ME1: variants seen among roughly 807,000 people sequenced by gnomAD.
ME1 encodes the protein NADP-dependent malic enzyme.
In ME1, 74 loss-of-function variants were observed where a neutral mutation model predicts 66.4. The observed-to-expected ratio is 1.11, with a 90% CI of 0.92 to 1.35. The LOEUF (loss-of-function observed/expected upper bound fraction) is 1.35, where lower values mean the gene tolerates loss of function less well. Ranked by LOEUF, ME1 falls within the 40% of genes most tolerant of loss-of-function variation. The pLI, the probability that ME1 is intolerant of heterozygous loss-of-function variation, is 0.00. For synonymous variants in ME1, 251 were observed against 235.6 expected (o/e 1.07, Z -0.60); for missense variants, 750 against 694.1 (o/e 1.08, Z -0.90).
At chr6:83,384,900 G>A (rs1346614887) in intron 3 of ME1, among the ~76,000 whole-genome samples, 2 of 151,826 alleles carry the variant, frequency 1.3e-5, no homozygotes, top group Admixed American at 1.3e-4. Flanking sequence ...TCCATTGTTT[G>A]TTATTGTTGA....
intron 2 of ME1, among the ~76,000 whole-genome samples, chr6:83,399,284 C>T (rs979860379): frequency 1.3e-5 from 2 of 152,046 alleles, no homozygotes; most frequent in South Asian, 2.1e-4. Flanking sequence ...GCATGAGCCA[C>T]CGCACCCAGA....
chr6:83,381,343 T>C (rs1340379208), intron 3 of ME1, among the ~76,000 whole-genome samples: 1 of 152,076 alleles, frequency 6.6e-6, no homozygotes, highest in Non-Finnish European at 1.5e-5. Flanking sequence ...AGTGAGGTGA[T>C]TGACTTGGGC....
intron 6 of ME1, among the ~76,000 whole-genome samples, chr6:83,291,238 G>GT (rs2128534867): frequency 6.6e-6 from 1 of 152,320 alleles, no homozygotes; most frequent in South Asian, 2.1e-4. Flanking sequence ...AATTTGGCCT[G>GT]TTTTTGCAGT....
At chr6:83,212,633 C>T (rs1435619285) in intron 13 of ME1, among the ~76,000 whole-genome samples, 7 of 152,158 alleles carry the variant, frequency 4.6e-5, no homozygotes, top group African/African-American at 1.2e-4. Context: ...TCTAGTCCCT[C>T]GTCTGGGGAC....
intron 3 of ME1, among the ~76,000 whole-genome samples, chr6:83,395,419 G>A (rs2065732): frequency 0.98 from 149,332 of 152,024 alleles, 73,395 homozygotes; most frequent in Middle Eastern, 1. Context: ...AAATTAATTT[G>A]CTATCTGTAA....
intron 5 of ME1, among the ~76,000 whole-genome samples, chr6:83,321,494 A>G (rs1183968348): frequency 4.6e-5 from 7 of 152,082 alleles, no homozygotes; most frequent in Admixed American, 4.6e-4. Context: ...CTGAGGCTCG[A>G]GTAGGCAGTT....
At chr6:83,252,243 C>A (rs904793368) in intron 7 of ME1, among the ~76,000 whole-genome samples, 1 of 151,938 alleles carries the variant, frequency 6.6e-6, no homozygotes, top group Admixed American at 6.6e-5. Context: ...TTTGAGATAT[C>A]CAGCAGGAGT....
rs1768969543 is a variant in ME1 at position 83,359,657 on chromosome 6, G to A, written c.363-7518C>T. Among the ~76,000 whole-genome samples, 7 of 152,324 alleles carry A rather than the reference G, an allele frequency of 4.6e-5. No individual in the cohort carries two copies. The South Asian group carries it at 1.5e-3, about 32-fold the overall frequency. Reference sequence around the variant, plus strand: ...TTTAATGTAGAGGAAGGGATCCAAAGGCTTAGGGAGATTGGGGTGGTGGAA... The same window carrying A: ...TTTAATGTAGAGGAAGGGATCCAAAAGCTTAGGGAGATTGGGGTGGTGGAA... On this transcript the variant is annotated intron_variant, in intron 3 of 13. Coordinates refer to ENST00000369705, the MANE Select transcript of ME1 (RefSeq NM_002395.6).
chr6:83,225,945 A>T (rs1290933820), intron 11 of ME1, among the ~76,000 whole-genome samples: 3 of 151,674 alleles, frequency 2.0e-5, no homozygotes, highest in Admixed American at 6.6e-5. Context: ...AAATATTCTC[A>T]TATATATATG....
At chr6:83,414,527 C>A (rs2128552775) in intron 1 of ME1, among the ~76,000 whole-genome samples, 2 of 152,032 alleles carry the variant, frequency 1.3e-5, no homozygotes, top group Middle Eastern at 6.8e-3. Flanking sequence ...TATAGTACCC[C>A]AAAATTATTT....
chr6:83,349,122 T>C (rs928787974), intron 4 of ME1, among the ~76,000 whole-genome samples: 2 of 151,696 alleles, frequency 1.3e-5, no homozygotes, highest in Non-Finnish European at 2.9e-5. Context: ...CATTTAGATA[T>C]GTAGTAGTTT....
At chr6:83,217,778 G>T (rs896008241) in intron 12 of ME1, among the ~76,000 whole-genome samples, 3 of 152,150 alleles carry the variant, frequency 2.0e-5, no homozygotes, top group Non-Finnish European at 2.9e-5. Flanking sequence ...GTGTGAGCTG[G>T]ACTCAGCAGG....
chr6:83,295,586 T>G (rs537119555), intron 6 of ME1, among the ~76,000 whole-genome samples: 5 of 152,234 alleles, frequency 3.3e-5, no homozygotes, highest in Non-Finnish European at 7.4e-5. Context: ...CTCAGATCAC[T>G]GCAACCTCTG....
chr6:83,280,247 A>G (rs1767262536), intron 6 of ME1, among the ~76,000 whole-genome samples: 1 of 152,118 alleles, frequency 6.6e-6, no homozygotes, highest in African/African-American at 2.4e-5. Context: ...CCTAACAACC[A>G]TTTTTTTAAA....
intron 5 of ME1, among the ~76,000 whole-genome samples, chr6:83,333,865 C>G (rs1023911709): frequency 3.3e-5 from 5 of 152,096 alleles, no homozygotes; most frequent in Admixed American, 1.3e-4. Context: ...ATACTTGCCC[C>G]AAAATTAATT....
chr6:83,403,908 T>C (rs1466068954), intron 2 of ME1, among the ~76,000 whole-genome samples: 2 of 152,230 alleles, frequency 1.3e-5, no homozygotes, highest in Admixed American at 6.5e-5. Context: ...CTATCATTGA[T>C]GGGCATTTGG....
At chr6:83,406,140 T>G (rs1435183007) in intron 2 of ME1, among the ~76,000 whole-genome samples, 1 of 152,238 alleles carries the variant, frequency 6.6e-6, no homozygotes, top group Non-Finnish European at 1.5e-5. Context: ...TTTATTGATT[T>G]GCATATGTCG....
chr6:83,347,806 A>C (rs373500591), intron 4 of ME1, among the ~76,000 whole-genome samples: 1 of 152,184 alleles, frequency 6.6e-6, no homozygotes, highest in South Asian at 2.1e-4. Flanking sequence ...TGTAAAGAGA[A>C]ATCTAAAGTA....
At chr6:83,227,722 G>T (rs887082659) in intron 10 of ME1, among the ~76,000 whole-genome samples, 15 of 152,058 alleles carry the variant, frequency 9.9e-5, no homozygotes, top group African/African-American at 3.6e-4. Context: ...ATAATATTTG[G>T]CTTCCATAGT....
Sources: gnomAD v4.1 joint callset for allele counts (sites outside exome capture counted in the v4.1 genomes callset) on GRCh38, gnomAD v4.1.1 for gene constraint, MANE v1.5 for transcripts, NCBI Gene and HGNC (gene_info 2026-07-23, HGNC 2026-07-21) for gene names.